PDE8A: variants seen among roughly 807,000 people sequenced by gnomAD.
The protein encoded by PDE8A is phosphodiesterase 8A.
PDE8A carries 59 observed loss-of-function variants against 105.0 expected under a neutral mutation model. That is an observed-to-expected ratio of 0.56 (90% CI 0.46 to 0.70). PDE8A has a LOEUF of 0.70. Ranked by LOEUF, PDE8A falls within the 30% of genes least tolerant of loss-of-function variation. The pLI is 0.00. For synonymous variants in PDE8A, 355 were observed against 371.9 expected (o/e 0.95, Z 0.52); for missense variants, 1,014 against 1,045.9 (o/e 0.97, Z 0.42).
At chr15:84,984,343 T>G (rs2079767965) in intron 1 of PDE8A, among the ~76,000 whole-genome samples, 1 of 152,216 alleles carries the variant, frequency 6.6e-6, no homozygotes, top group African/African-American at 2.4e-5. Flanking sequence ...AGTCTAATAT[T>G]TTTTCTTTGA....
intron 1 of PDE8A, among the ~76,000 whole-genome samples, chr15:85,016,116 G>A (rs1352887539): frequency 6.6e-6 from 1 of 151,798 alleles, no homozygotes; most frequent in Non-Finnish European, 1.5e-5. Context: ...CTTCAGCCTG[G>A]GTGACCAAGC....
chr15:84,985,752 T>G (rs2079792120), intron 1 of PDE8A, among the ~76,000 whole-genome samples: 1 of 152,154 alleles, frequency 6.6e-6, no homozygotes, highest in Non-Finnish European at 1.5e-5. Context: ...AACCAGGCTG[T>G]CAAGTTGAAA....
intron 20 of PDE8A, among the ~76,000 whole-genome samples, chr15:85,131,791 T>C (rs1347291890): frequency 6.6e-6 from 1 of 152,234 alleles, no homozygotes; most frequent in African/African-American, 2.4e-5. Flanking sequence ...CTAATGGTAA[T>C]GAATTCCCTT....
At position 85,126,347 on chromosome 15, in the gene PDE8A, A is replaced by G; in HGVS notation, c.2226A>G (p.Ala742=). The G allele has an allele frequency of 6.3e-7, 1 of 1,592,728 alleles. No homozygotes were observed. The highest frequency in any genetic ancestry group is 1.2e-5 in the South Asian group (1 of 86,628). ...RPLQYCIEWA[A]RISEEYFSQT... Reference sequence around the variant, plus strand: ...TGCAGTACTGCATCGAGTGGGCTGCACGCATTTCGGAAGAATATTTTTCTC... The same window carrying G: ...TGCAGTACTGCATCGAGTGGGCTGCGCGCATTTCGGAAGAATATTTTTCTC... The change falls in exon 20 of 22, where the codon GCA becomes GCG. Residue 742 remains alanine, a synonymous_variant. Transcript: ENST00000394553.
intron 1 of PDE8A, among the ~76,000 whole-genome samples, chr15:85,016,964 T>A (rs1375489000): frequency 3.3e-5 from 5 of 151,674 alleles, no homozygotes; most frequent in South Asian, 2.1e-4. Context: ...TTTTTTTTTT[T>A]AATAAATGAA....
intron 20 of PDE8A, among the ~76,000 whole-genome samples, chr15:85,129,562 TC>T (rs1401729535): frequency 6.6e-6 from 1 of 152,246 alleles, no homozygotes; most frequent in African/African-American, 2.4e-5. Context: ...GGAGTAATGT[TC>T]CCACTTTCAT....
chr15:85,086,270 A>C (rs545435006), intron 6 of PDE8A, among the ~76,000 whole-genome samples: 15 of 152,254 alleles, frequency 9.9e-5, no homozygotes, highest in Non-Finnish European at 2.2e-4. Context: ...TGACGAAGTC[A>C]TTATAAACTA....
chr15:85,116,243 G>C (rs1423712632), intron 16 of PDE8A, 124 bp downstream of exon 16: 2 of 953,330 alleles, frequency 2.1e-6, no homozygotes, highest in Non-Finnish European at 3.1e-6. Context: ...CCTAAGGAAG[G>C]AGTAACAGGG....
At position 85,098,004 on chromosome 15, in the gene PDE8A, T is replaced by TG. The variant is rs753767628; in HGVS notation, c.910dup (p.Val304GlyfsTer14). On this transcript the variant is annotated frameshift_variant, in exon 9 of 22. Coordinates refer to ENST00000394553, the MANE Select transcript of PDE8A (RefSeq NM_002605.3). LOFTEE classifies it high-confidence loss of function. Reference sequence around the variant, plus strand: ...AAAACGGAGATAATATACAACAAAATGTGAAGATAATACCTGTCATTGGAC... The same window carrying TG: ...AAAACGGAGATAATATACAACAAAATGGTGAAGATAATACCTGTCATTGGAC... The TG allele has an allele frequency of 3.7e-6, 6 of 1,602,980 alleles. No homozygotes were observed. The highest frequency in any genetic ancestry group is 5.1e-6 in the Non-Finnish European group (6 of 1,170,148).
chr15:85,044,387 C>T (rs575801051), intron 1 of PDE8A, among the ~76,000 whole-genome samples: 25 of 152,106 alleles, frequency 1.6e-4, no homozygotes, highest in Non-Finnish European at 3.1e-4. Flanking sequence ...CAGTGGGGGA[C>T]AGATAAAGAG....
intron 17 of PDE8A, 132 bp from the exon 18 acceptor site, chr15:85,120,665 T>G (rs929791353): frequency 1.6e-6 from 1 of 630,098 alleles, no homozygotes; most frequent in South Asian, 2.1e-5. Flanking sequence ...CTAGATTTGC[T>G]CACGTAGTAT....
At chr15:85,087,489 C>T (rs1016583765) in intron 6 of PDE8A, among the ~76,000 whole-genome samples, 2 of 152,202 alleles carry the variant, frequency 1.3e-5, no homozygotes, top group Non-Finnish European at 2.9e-5. Flanking sequence ...TGTGATCCAC[C>T]GTGCCTGGCC....
At chr15:84,998,335 C>A (rs1272911066) in intron 1 of PDE8A, among the ~76,000 whole-genome samples, 1 of 152,190 alleles carries the variant, frequency 6.6e-6, no homozygotes, top group African/African-American at 2.4e-5. Context: ...ACTTCACTCC[C>A]TTTGGTCACT....
At chr15:85,012,405 G>A (rs1016301681) in intron 1 of PDE8A, among the ~76,000 whole-genome samples, 3 of 152,054 alleles carry the variant, frequency 2.0e-5, no homozygotes, top group Admixed American at 6.6e-5. Context: ...GTAGGGACCT[G>A]GATGAAATTG....
intron 1 of PDE8A, among the ~76,000 whole-genome samples, chr15:84,997,897 T>C (rs576452777): frequency 6.6e-6 from 1 of 152,290 alleles, no homozygotes; most frequent in Non-Finnish European, 1.5e-5. Context: ...CGCCCAGCCA[T>C]GTATATCTTC....
intron 1 of PDE8A, among the ~76,000 whole-genome samples, chr15:85,027,830 T>C (rs1306293898): frequency 6.6e-6 from 1 of 152,220 alleles, no homozygotes; most frequent in African/African-American, 2.4e-5. Flanking sequence ...TTTGGTTGCA[T>C]ATCCTTCCTG....
chr15:85,044,688 C>T (rs952205460), intron 1 of PDE8A, among the ~76,000 whole-genome samples: 6 of 152,216 alleles, frequency 3.9e-5, no homozygotes, highest in African/African-American at 9.6e-5. Context: ...TCTCTGTGGC[C>T]GGCCCCAGGC....
At chr15:85,128,213 A>G (rs1259209169) in intron 20 of PDE8A, among the ~76,000 whole-genome samples, 2 of 152,236 alleles carry the variant, frequency 1.3e-5, no homozygotes, top group Non-Finnish European at 2.9e-5. Flanking sequence ...AGATGCAGAA[A>G]GCAACAACCA....
At chr15:85,044,138 G>T (rs919468421) in intron 1 of PDE8A, among the ~76,000 whole-genome samples, 1 of 152,096 alleles carries the variant, frequency 6.6e-6, no homozygotes, top group African/African-American at 2.4e-5. Flanking sequence ...AATTTATTGG[G>T]CATTTACTCA....
Sources: gnomAD v4.1 joint callset for allele counts (sites outside exome capture counted in the v4.1 genomes callset) on GRCh38, gnomAD v4.1.1 for gene constraint, MANE v1.5 for transcripts, NCBI Gene and HGNC (gene_info 2026-07-23, HGNC 2026-07-21) for gene names.